Variants in JAKMIP3 observed in about 807,000 individuals in gnomAD.
The protein encoded by JAKMIP3 is Janus kinase and microtubule interacting protein 3.
Under a neutral mutation model 118.5 loss-of-function variants are expected in JAKMIP3, and 58 were observed. The ratio of observed to expected loss-of-function variants is 0.49; its 90% CI spans 0.40 to 0.61. JAKMIP3 has a LOEUF of 0.61. JAKMIP3 is among the 20% of genes least tolerant of loss of function. The pLI, the probability that JAKMIP3 is intolerant of heterozygous loss-of-function variation, is 0.00. For synonymous variants in JAKMIP3, 486 were observed against 451.2 expected, an observed-to-expected ratio of 1.08 and a Z score of -0.98; for missense variants, 950 against 1,109.0, an observed-to-expected ratio of 0.86 and a Z score of 2.04.
intron 23 of JAKMIP3, among the ~76,000 whole-genome samples, chr10:132,180,598 CGTGCGCGTGTGTGTGT>C (rs2060836985): frequency 1.4e-4 from 1 of 7,370 alleles, no homozygotes; most frequent in African/African-American, 4.7e-4. Context: ...TGTGTGTGTG[CGTGCGCGTGTGTGTGT>C]GCGTGTGTGT....
In JAKMIP3 at chr10:132,049,570, C is replaced by T. The variant is rs983138623; in HGVS notation, c.-138+12832C>T. ...GCCCTAAGCTGTTGAATTCCTAAATCGGGGTGTTTTTCCATATCCTTGAAT... is the reference window on the plus strand; with the variant it reads ...GCCCTAAGCTGTTGAATTCCTAAATTGGGGTGTTTTTCCATATCCTTGAAT... On this transcript the variant is annotated intron_variant, in intron 1 of 23. Coordinates refer to the JAKMIP3 transcript ENST00000657785. This position sits in a 1 kb window ranked among gnomAD's most constrained non-coding sequence, Gnocchi z 4.3. Among the ~76,000 whole-genome samples, 3 of 151,672 alleles carry T rather than the reference C, an allele frequency of 2.0e-5. No individual in the cohort carries two copies. The highest frequency in any genetic ancestry group is 4.4e-5 in the Non-Finnish European group (3 of 67,978).
At position 132,147,977 on chromosome 10, in the gene JAKMIP3, C is replaced by T. The variant is rs377157993; in HGVS notation, c.1775C>T (p.Ala592Val). The change falls in exon 14 of 24, where the codon GCT becomes GTT. Residue 592 changes from alanine (A) to valine (V), a missense_variant. Transcript: ENST00000684848. The stretch of plus-strand genomic sequence containing the variant: ...ATCAAACAAATGGAGACGGAAGAGG[C>T]TCGGCTCAGACACGAGGTGCAGGAC... ...EKIKQMETEE[A>V]RLRHEVQDAR... 6.2e-7 allele frequency: 1 copy of T among 1,609,722 alleles called. No homozygotes were observed. The highest frequency in any genetic ancestry group is 2.2e-5 in the East Asian group (1 of 44,820).
chr10:132,133,243 G>C, intron 3 of JAKMIP3, 69 bp from the exon 4 acceptor site: 1 of 1,323,392 alleles, frequency 7.6e-7, no homozygotes, highest in Non-Finnish European at 1.1e-6. Flanking sequence ...GCAGGGCTGC[G>C]CCCGTTTCTA....
chr10:132,090,745 A>T (rs2134405905), intron 1 of JAKMIP3, among the ~76,000 whole-genome samples: 1 of 152,306 alleles, frequency 6.6e-6, no homozygotes, highest in Non-Finnish European at 1.5e-5. Context: ...GCCTTCTGAT[A>T]GCTTTTGAAT....
intron 23 of JAKMIP3, among the ~76,000 whole-genome samples, chr10:132,180,720 CGTGT>C (rs1161680680): frequency 0.12 from 1,957 of 16,962 alleles, 489 homozygotes; most frequent in Middle Eastern, 0.21. Context: ...CGTGTGTGTG[CGTGT>C]GTGTGCGTGT....
chr10:132,076,369 C>G (rs4880232), intron 1 of JAKMIP3, among the ~76,000 whole-genome samples: 116,559 of 152,342 alleles, frequency 0.77, 46,017 homozygotes, highest in East Asian at 1. Flanking sequence ...GAATAATATC[C>G]TATCACGTGG....
At chr10:132,157,109 T>C (rs771438573) in intron 19 of JAKMIP3, among the ~76,000 whole-genome samples, 7 of 152,096 alleles carry the variant, frequency 4.6e-5, no homozygotes, top group Non-Finnish European at 1.0e-4. Flanking sequence ...ATGCCAATGG[T>C]AGGAAATGTT....
At chr10:132,155,993 T>A (rs2057044202) in intron 19 of JAKMIP3, among the ~76,000 whole-genome samples, 1 of 152,088 alleles carries the variant, frequency 6.6e-6, no homozygotes, top group African/African-American at 2.4e-5. Flanking sequence ...ACCCAGGCAG[T>A]CCTCTGGGCC....
chr10:132,038,395 A>T (rs1227008879), intron 1 of JAKMIP3, among the ~76,000 whole-genome samples: 4 of 152,204 alleles, frequency 2.6e-5, no homozygotes, highest in Non-Finnish European at 4.4e-5. Flanking sequence ...TGGTCCCACA[A>T]GTGTGCATGC....
chr10:132,054,611 G>C (rs1212813219), intron 1 of JAKMIP3, among the ~76,000 whole-genome samples: 1 of 152,230 alleles, frequency 6.6e-6, no homozygotes, highest in Non-Finnish European at 1.5e-5. Flanking sequence ...CAAGACCTAG[G>C]TCAAGAGTCA....
chr10:132,047,671 C>T (rs1158400061), intron 1 of JAKMIP3, among the ~76,000 whole-genome samples: 1 of 53,704 alleles, frequency 1.9e-5, no homozygotes, highest in African/African-American at 6.4e-5. Context: ...GCTGTGTGTC[C>T]CCACCCTCCC....
intron 8 of JAKMIP3, 120 bp from the exon 9 acceptor site, chr10:132,137,999 A>G (rs1287144937): frequency 1.2e-5 from 9 of 745,222 alleles, no homozygotes; most frequent in African/African-American, 5.4e-5. Context: ...TGTGGGGACA[A>G]GCCAGCCCAG....
chr10:132,045,725 TC>T (rs987466287), intron 1 of JAKMIP3, among the ~76,000 whole-genome samples: 1 of 151,890 alleles, frequency 6.6e-6, no homozygotes, highest in African/African-American at 2.4e-5. Flanking sequence ...GCTCAGGAGT[TC>T]CAGACGATAT....
At position 132,180,726 on chromosome 10, in the gene JAKMIP3, T is replaced by TGCGC. The variant is rs1322934498; in HGVS notation, c.*1104-1630_*1104-1629insCGCG. Among the ~76,000 whole-genome samples, 6 of 21,144 alleles carry TGCGC rather than the reference T, an allele frequency of 2.8e-4. 1 individual carries two copies. Among genetic ancestry groups the TGCGC allele is most frequent in the African/African-American group, 1.0e-3 (4 of 3,938 alleles). 13.9% of individuals were successfully genotyped at this position (21,144 alleles called of 152,430 possible). On this transcript the variant is annotated intron_variant, in intron 23 of 23. Transcript: ENST00000684848. ...GTGTGTGCGCGTGTGTGTGCGTGTG[T>TGCGC]GTGCGTGTGTGCGTGCGTGCGCGCG...
intron 3 of JAKMIP3, among the ~76,000 whole-genome samples, chr10:132,125,170 C>G (rs1368390073): frequency 6.6e-6 from 1 of 152,226 alleles, no homozygotes; most frequent in East Asian, 1.9e-4. Flanking sequence ...GAAGTTGCCC[C>G]CTCTGTGTCG....
At chr10:132,120,780 T>C (rs2048412990) in intron 3 of JAKMIP3, among the ~76,000 whole-genome samples, 1 of 152,184 alleles carries the variant, frequency 6.6e-6, no homozygotes, top group South Asian at 2.1e-4. Flanking sequence ...ATCTTCTCTT[T>C]TAAGGCCGTC....
chr10:132,138,019 T>A (rs1238154269), intron 8 of JAKMIP3, 100 bp from the exon 9 acceptor site: 1 of 1,138,242 alleles, frequency 8.8e-7, no homozygotes, highest in Non-Finnish European at 1.3e-6. Flanking sequence ...GACACCGTCT[T>A]CCCTGTCATC....
chr10:132,053,487 C>T (rs1440476193), intron 1 of JAKMIP3, among the ~76,000 whole-genome samples: 1 of 152,218 alleles, frequency 6.6e-6, no homozygotes, highest in Non-Finnish European at 1.5e-5. Flanking sequence ...TGGTGAATGC[C>T]CTCAGGCGAA....
chr10:132,143,849 G>C (rs2054067036), intron 11 of JAKMIP3: 1 of 152,252 alleles, frequency 6.6e-6, no homozygotes, highest in African/African-American at 2.4e-5. Flanking sequence ...CCGTTTCCCT[G>C]TCCGGAAACA....
Sources: allele counts gnomAD v4.1 joint callset (sites outside exome capture counted in the v4.1 genomes callset), GRCh38; gene constraint gnomAD v4.1.1; non-coding constraint Gnocchi (gnomAD v3.1); transcripts MANE v1.5; gene names NCBI Gene and HGNC (gene_info 2026-07-23, HGNC 2026-07-21).